GHR: variants seen among roughly 807,000 people sequenced by gnomAD.
GHR encodes the protein growth hormone receptor.
Under a neutral mutation model 67.1 loss-of-function variants are expected in GHR, and 35 were observed. The observed-to-expected ratio is 0.52, with a 90% CI of 0.40 to 0.69. The LOEUF is 0.69. Ranked by LOEUF, GHR falls within the 30% of genes least tolerant of loss-of-function variation. GHR has a pLI of 0.00. For missense variants in GHR, 792 were observed against 764.6 expected (o/e 1.04, Z -0.42); for synonymous variants, 272 against 269.1 (o/e 1.01, Z -0.10).
chr5:42,438,274 C>T (rs1199541179), intron 1 of GHR, among the ~76,000 whole-genome samples: 1 of 152,224 alleles, frequency 6.6e-6, no homozygotes, highest in African/African-American at 2.4e-5. Flanking sequence ...CAAGAACCCA[C>T]AGCTGGTAAG....
chr5:42,531,324 G>C (rs966061588), intron 1 of GHR, among the ~76,000 whole-genome samples: 1 of 151,816 alleles, frequency 6.6e-6, no homozygotes, highest in African/African-American at 2.4e-5. Context: ...TGTTTCTAAG[G>C]AATTCTCAGC....
intron 2 of GHR, among the ~76,000 whole-genome samples, chr5:42,623,477 A>G (rs1028842881): frequency 1.3e-5 from 2 of 152,148 alleles, no homozygotes; most frequent in Admixed American, 6.6e-5. Context: ...TTCCCAACAC[A>G]TCACAGCTCT....
At chr5:42,572,956 G>A (rs920579360) in intron 2 of GHR, among the ~76,000 whole-genome samples, 1 of 152,134 alleles carries the variant, frequency 6.6e-6, no homozygotes, top group Admixed American at 6.5e-5. Flanking sequence ...TTTCAAGAGT[G>A]TGGCAAGTTT....
At chr5:42,443,083 G>T (rs1347239695) in intron 1 of GHR, among the ~76,000 whole-genome samples, 1 of 152,150 alleles carries the variant, frequency 6.6e-6, no homozygotes, top group African/African-American at 2.4e-5. Flanking sequence ...CTTGGCATGA[G>T]GTAATGTCAG....
At chr5:42,681,291 G>T (rs1301360984) in intron 3 of GHR, among the ~76,000 whole-genome samples, 1 of 150,732 alleles carries the variant, frequency 6.6e-6, no homozygotes, top group Non-Finnish European at 1.5e-5. Flanking sequence ...TCAAAAAGTG[G>T]GCAAAGGATA....
intron 2 of GHR, among the ~76,000 whole-genome samples, chr5:42,614,304 G>GCATT (rs1484264365): frequency 4.6e-5 from 7 of 151,744 alleles, no homozygotes; most frequent in African/African-American, 1.5e-4. Context: ...TTTTTTCAGG[G>GCATT]TCCTTGAGAA....
chr5:42,468,262 T>A, intron 1 of GHR: 1 of 1,554,024 alleles, frequency 6.4e-7, no homozygotes, highest in Non-Finnish European at 8.9e-7. Flanking sequence ...CTCCTCCTCC[T>A]TTTTCACCTT....
chr5:42,720,347 A>G lies in GHR; in HGVS notation c.*923A>G, dbSNP rs1308519448. 2.0e-5 allele frequency: 3 copies of G among 152,240 alleles called. No homozygotes were observed. The highest frequency in any genetic ancestry group is 4.8e-5 in the African/African-American group (2 of 41,450). The allele number at this position is 152,240 out of a possible 1,614,324, so 9.4% of individuals were successfully genotyped here. Reference sequence around the variant, plus strand: ...AAATCTTGGTTGATGCCAAAAAAAAATACATGCTAAGAGAAGTAGAAATCA... The same window carrying G: ...AAATCTTGGTTGATGCCAAAAAAAAGTACATGCTAAGAGAAGTAGAAATCA... On this transcript the variant is annotated 3_prime_UTR_variant, in exon 10 of 10. Transcript: ENST00000230882.
intron 3 of GHR, among the ~76,000 whole-genome samples, chr5:42,661,037 G>C (rs1323910225): frequency 6.6e-6 from 1 of 152,196 alleles, no homozygotes; most frequent in Non-Finnish European, 1.5e-5. Context: ...ATGAAATGAA[G>C]TGAGAAGGGA....
chr5:42,488,274 G>A (rs1253215927), intron 1 of GHR, among the ~76,000 whole-genome samples: 3 of 152,120 alleles, frequency 2.0e-5, no homozygotes, highest in Non-Finnish European at 4.4e-5. Context: ...TGGTAAGGTA[G>A]GAATTTTCAT....
chr5:42,676,113 A>T (rs1756561521), intron 3 of GHR, among the ~76,000 whole-genome samples: 1 of 152,052 alleles, frequency 6.6e-6, no homozygotes, highest in African/African-American at 2.4e-5. Context: ...GGTGAAACCC[A>T]GTCTCTACTA....
chr5:42,651,488 A>C (rs1205198888), intron 3 of GHR, among the ~76,000 whole-genome samples: 1 of 152,170 alleles, frequency 6.6e-6, no homozygotes, highest in Admixed American at 6.5e-5. Context: ...ATGGGCCAAG[A>C]GACAGGCTTC....
chr5:42,485,407 T>A (rs995591215), intron 1 of GHR, among the ~76,000 whole-genome samples: 14 of 152,230 alleles, frequency 9.2e-5, no homozygotes, highest in African/African-American at 3.4e-4. Flanking sequence ...TTCATCATAA[T>A]ATGTTTTGTG....
Position 42,603,570 on chromosome 5 carries a change from C to T in GHR, c.71-25468C>T, listed in dbSNP as rs573697254. Among the ~76,000 whole-genome samples the T allele has an allele frequency of 3.3e-5, 5 of 152,212 alleles. No homozygotes were observed. In the South Asian group the frequency reaches 8.3e-4, roughly 25 times the overall value. ...CTTTTTGCTTCTCTGACTGGATAATCATCAATAATCTGTTTTTGAGTTAGC... is the reference window on the plus strand; with the variant it reads ...CTTTTTGCTTCTCTGACTGGATAATTATCAATAATCTGTTTTTGAGTTAGC... On this transcript the variant is annotated intron_variant, in intron 2 of 9. Coordinates refer to ENST00000230882, the MANE Select transcript of GHR (RefSeq NM_000163.5).
intron 3 of GHR, among the ~76,000 whole-genome samples, chr5:42,663,812 T>C (rs1158754506): frequency 1.3e-5 from 2 of 152,214 alleles, no homozygotes. Flanking sequence ...CTTGTCCCTG[T>C]TTGCAGATGA....
chr5:42,522,501 T>C (rs2112309438), intron 1 of GHR, among the ~76,000 whole-genome samples: 1 of 152,290 alleles, frequency 6.6e-6, no homozygotes, highest in Non-Finnish European at 1.5e-5. Context: ...TCAACATATA[T>C]TTAGCAGTGA....
chr5:42,454,729 A>C (rs2112016713), intron 1 of GHR, among the ~76,000 whole-genome samples: 1 of 152,196 alleles, frequency 6.6e-6, no homozygotes, highest in Non-Finnish European at 1.5e-5. Context: ...AACAGCACCA[A>C]GTTTAGATCC....
chr5:42,667,584 A>G (rs945796351), intron 3 of GHR, among the ~76,000 whole-genome samples: 1 of 152,170 alleles, frequency 6.6e-6, no homozygotes, highest in African/African-American at 2.4e-5. Flanking sequence ...GTATTTTGTT[A>G]AAGATCCCCA....
intron 3 of GHR, chr5:42,646,346 T>A (rs79362852): frequency 0.07 from 31,688 of 454,440 alleles, 1,349 homozygotes; most frequent in Middle Eastern, 0.14. Flanking sequence ...GGGTCCATGC[T>A]CACATATCAA....
Sources: allele counts gnomAD v4.1 joint callset (sites outside exome capture counted in the v4.1 genomes callset), GRCh38; gene constraint gnomAD v4.1.1; transcripts MANE v1.5; gene names NCBI Gene and HGNC (gene_info 2026-07-23, HGNC 2026-07-21).